Variants in PRKCE observed in about 807,000 individuals in gnomAD.
The protein encoded by PRKCE is protein kinase C epsilon, also known as protein kinase C epsilon type.
A neutral mutation model predicts 85.4 loss-of-function variants in PRKCE; 16 were observed. The observed-to-expected ratio is 0.19, with a 90% CI of 0.13 to 0.28. PRKCE has a LOEUF of 0.28. Ranked by LOEUF, PRKCE falls within the 10% of genes least tolerant of loss-of-function variation. The pLI, the probability that PRKCE is intolerant of heterozygous loss-of-function variation, is 1.00. For missense variants in PRKCE, 573 were observed against 975.2 expected (o/e 0.59, Z 5.49); for synonymous variants, 388 against 371.5 (o/e 1.04, Z -0.51).
chr2:45,847,848 A>T (rs957930573), intron 2 of PRKCE, among the ~76,000 whole-genome samples: 4 of 152,224 alleles, frequency 2.6e-5, no homozygotes, highest in Admixed American at 1.3e-4. Flanking sequence ...CTTCATAAAT[A>T]AGCAGATCCC....
At chr2:46,133,621 C>T (rs190903437) in intron 11 of PRKCE, among the ~76,000 whole-genome samples, 41 of 152,252 alleles carry the variant, frequency 2.7e-4, no homozygotes, top group East Asian at 1.7e-3. Flanking sequence ...CCCATCATTT[C>T]GTTCTGACAT....
chr2:45,938,947 G>T (rs1325853083), intron 2 of PRKCE, among the ~76,000 whole-genome samples: 1 of 152,100 alleles, frequency 6.6e-6, no homozygotes, highest in Non-Finnish European at 1.5e-5. Flanking sequence ...CTGCCCTCTG[G>T]AGTCTTGCGG....
intron 10 of PRKCE, among the ~76,000 whole-genome samples, chr2:46,037,904 G>T (rs1707969885): frequency 6.6e-6 from 1 of 152,198 alleles, no homozygotes; most frequent in Non-Finnish European, 1.5e-5. Flanking sequence ...TTGGGCAAAT[G>T]ACTGAAACTC....
At chr2:46,142,026 A>G (rs960414978) in intron 11 of PRKCE, among the ~76,000 whole-genome samples, 6 of 152,192 alleles carry the variant, frequency 3.9e-5, no homozygotes, top group African/African-American at 1.4e-4. Flanking sequence ...GAAAACATAC[A>G]GGCAGGAGAC....
chr2:46,129,597 A>T (rs1674213300), intron 11 of PRKCE, among the ~76,000 whole-genome samples: 2 of 152,338 alleles, frequency 1.3e-5, no homozygotes, highest in South Asian at 2.1e-4. Context: ...GAGCAAGCTG[A>T]TGAGGAGCCT....
At chr2:46,148,095 G>T (rs1297845494) in intron 12 of PRKCE, among the ~76,000 whole-genome samples, 1 of 152,184 alleles carries the variant, frequency 6.6e-6, no homozygotes, top group Non-Finnish European at 1.5e-5. Flanking sequence ...CTGCCCCAAG[G>T]CTTATCTTCC....
In PRKCE at chr2:46,145,712, A is replaced by T. The variant is rs1412793476; in HGVS notation, c.1731+481A>T. On this transcript the variant is annotated intron_variant, in intron 12 of 14. Coordinates refer to ENST00000306156, the MANE Select transcript of PRKCE (RefSeq NM_005400.3). This position sits in a 1 kb window ranked among gnomAD's most constrained non-coding sequence, Gnocchi z 4.6. Reference sequence around the variant, plus strand: ...GTGAAACCCTGTCTATATAAAAAATACAAAAATTAGCCAGGCATAGTGGTG... The same window carrying T: ...GTGAAACCCTGTCTATATAAAAAATTCAAAAATTAGCCAGGCATAGTGGTG... Among the ~76,000 whole-genome samples, 2 of 152,104 alleles carry T rather than the reference A, an allele frequency of 1.3e-5. No individual in the cohort carries two copies. Among genetic ancestry groups the T allele is most frequent in the Non-Finnish European group, 2.9e-5 (2 of 68,020 alleles).
intron 1 of PRKCE, among the ~76,000 whole-genome samples, chr2:45,828,770 T>TA (rs1052332642): frequency 2.0e-5 from 3 of 152,144 alleles, no homozygotes; most frequent in African/African-American, 7.2e-5. Context: ...AGCAAAAAAT[T>TA]ACTTATTTTT....
intron 10 of PRKCE, among the ~76,000 whole-genome samples, chr2:46,054,876 G>A (rs188689755): frequency 1.8e-4 from 28 of 152,138 alleles, no homozygotes; most frequent in East Asian, 1.2e-3. Flanking sequence ...GACTATGGGC[G>A]GACATTGGAG....
chr2:46,091,498 G>C (rs975835799), intron 11 of PRKCE, among the ~76,000 whole-genome samples: 2 of 152,202 alleles, frequency 1.3e-5, no homozygotes, highest in Non-Finnish European at 2.9e-5. Flanking sequence ...GGAGTTGAAG[G>C]CTTGGCAGCC....
chr2:45,911,723 C>T (rs981981937), intron 2 of PRKCE, among the ~76,000 whole-genome samples: 4 of 152,218 alleles, frequency 2.6e-5, no homozygotes, highest in Non-Finnish European at 4.4e-5. Flanking sequence ...ACAACGGTCA[C>T]AGGTGACAAA....
intron 1 of PRKCE, among the ~76,000 whole-genome samples, chr2:45,829,930 G>A (rs1040024818): frequency 1.8e-4 from 28 of 151,548 alleles, no homozygotes; most frequent in Non-Finnish European, 1.9e-4. Context: ...AAAATTAGCC[G>A]GGCGTGGTAG....
At chr2:46,180,258 G>T (rs551890274) in intron 14 of PRKCE, among the ~76,000 whole-genome samples, 11 of 152,310 alleles carry the variant, frequency 7.2e-5, no homozygotes, top group Non-Finnish European at 1.0e-4. Context: ...GCAGGGATAG[G>T]GGAGGGCATT....
chr2:45,653,928 A>C (rs1675263715), intron 1 of PRKCE, among the ~76,000 whole-genome samples: 1 of 152,232 alleles, frequency 6.6e-6, no homozygotes, highest in African/African-American at 2.4e-5. Flanking sequence ...GCTCCCACTC[A>C]TTCCCCATTT....
intron 2 of PRKCE, among the ~76,000 whole-genome samples, chr2:45,875,852 C>T (rs1694436435): frequency 6.6e-6 from 1 of 152,310 alleles, no homozygotes; most frequent in Middle Eastern, 3.4e-3. Context: ...GGATCTCCTC[C>T]TACTTGAAGG....
At chr2:46,023,458 T>C (rs1175981353) in intron 10 of PRKCE, among the ~76,000 whole-genome samples, 1 of 152,260 alleles carries the variant, frequency 6.6e-6, no homozygotes, top group Non-Finnish European at 1.5e-5. Flanking sequence ...AGAAGATGAA[T>C]GCTTTGTGGT....
At chr2:46,058,196 C>T (rs184587537) in intron 10 of PRKCE, among the ~76,000 whole-genome samples, 223 of 152,338 alleles carry the variant, frequency 1.5e-3, no homozygotes, top group Non-Finnish European at 2.5e-3. Context: ...CAAGGCTGCA[C>T]GGAGGACTGA....
intron 2 of PRKCE, among the ~76,000 whole-genome samples, chr2:45,870,310 G>A (rs1558775275): frequency 6.6e-6 from 1 of 152,180 alleles, no homozygotes; most frequent in Non-Finnish European, 1.5e-5. Flanking sequence ...CCTAGGAAAG[G>A]GGTCTGACCA....
chr2:46,121,487 A>G (rs1256548707), intron 11 of PRKCE, among the ~76,000 whole-genome samples: 1 of 152,194 alleles, frequency 6.6e-6, no homozygotes, highest in African/African-American at 2.4e-5. Flanking sequence ...ACATACAGGT[A>G]CCTGCAACTC....
Sources: allele counts gnomAD v4.1 joint callset (sites outside exome capture counted in the v4.1 genomes callset), GRCh38; gene constraint gnomAD v4.1.1; non-coding constraint Gnocchi (gnomAD v3.1); transcripts MANE v1.5; gene names NCBI Gene and HGNC (gene_info 2026-07-23, HGNC 2026-07-21).